EPHB2: variants seen among roughly 807,000 people sequenced by gnomAD.
EPHB2 encodes the protein ephrin type-B receptor 2.
In EPHB2, 18 loss-of-function variants were observed where a neutral mutation model predicts 96.4. The ratio of observed to expected loss-of-function variants is 0.19; its 90% confidence interval spans 0.13 to 0.28. EPHB2 has a LOEUF of 0.28. EPHB2 is among the 10% of genes least tolerant of loss of function. EPHB2 has a pLI of 1.00. For missense variants in EPHB2, 989 were observed against 1,355.4 expected (o/e 0.73, Z 4.25); for synonymous variants, 506 against 534.1 (o/e 0.95, Z 0.72).
Position 22,913,812 on chromosome 1 carries a change from G to T in EPHB2, c.*242G>T. The T allele has an allele frequency of 6.2e-7, 1 of 1,610,648 alleles. No homozygotes were observed. Among genetic ancestry groups the T allele is most frequent in the Middle Eastern group, 1.7e-4 (1 of 6,058 alleles). ...CCTGGGAGGGGGCGGGAAATACAAGGAATATTTTTTAAAGAGGATTCTCAT... is the reference window on the plus strand; with the variant it reads ...CCTGGGAGGGGGCGGGAAATACAAGTAATATTTTTTAAAGAGGATTCTCAT... On this transcript the variant is annotated 3_prime_UTR_variant, in exon 16 of 16. Transcript: ENST00000374630. This position sits in a 1 kb window ranked among gnomAD's most constrained non-coding sequence, Gnocchi z 4.1.
At chr1:22,736,657 G>A (rs1293378637) in intron 1 of EPHB2, among the ~76,000 whole-genome samples, 7 of 152,222 alleles carry the variant, frequency 4.6e-5, no homozygotes, top group South Asian at 2.1e-4. Flanking sequence ...CCTCCGCAGC[G>A]CGGCATGTTT....
intron 1 of EPHB2, among the ~76,000 whole-genome samples, chr1:22,762,851 A>G (rs1644254094): frequency 2.0e-5 from 3 of 152,186 alleles, no homozygotes; most frequent in African/African-American, 7.2e-5. Flanking sequence ...CGCTGGCTGC[A>G]GTGGCTCATC....
intron 3 of EPHB2, among the ~76,000 whole-genome samples, chr1:22,851,764 C>T (rs987560034): frequency 6.6e-6 from 1 of 152,222 alleles, no homozygotes; most frequent in Non-Finnish European, 1.5e-5. Flanking sequence ...CTATTTGTAG[C>T]TCTCTGCACG....
intron 1 of EPHB2, among the ~76,000 whole-genome samples, chr1:22,758,754 T>A (rs1644191691): frequency 6.6e-6 from 1 of 151,946 alleles, no homozygotes; most frequent in Non-Finnish European, 1.5e-5. Context: ...TGAGGGCCAC[T>A]CAAGATTTTA....
At chr1:22,740,312 A>C (rs1643887107) in intron 1 of EPHB2, among the ~76,000 whole-genome samples, 1 of 152,174 alleles carries the variant, frequency 6.6e-6, no homozygotes, top group Non-Finnish European at 1.5e-5. Flanking sequence ...TAAGGTTTCT[A>C]TTCACATTTT....
At position 22,892,806 on chromosome 1, in the gene EPHB2, T is replaced by C. The variant is rs556668388; in HGVS notation, c.1429-78T>C. 13 of 1,573,088 alleles carry C rather than the reference T, an allele frequency of 8.3e-6. No individual in the cohort carries two copies. In the South Asian group the frequency reaches 1.2e-4, roughly 15 times the overall value. ...ATCCAATGGCCAGACCTGCCCCCAATGTGGCAGGAGCAGGCAGTGGGCTCT... is the reference window on the plus strand; with the variant it reads ...ATCCAATGGCCAGACCTGCCCCCAACGTGGCAGGAGCAGGCAGTGGGCTCT... On this transcript the variant is annotated intron_variant, in intron 6 of 15. Coordinates refer to ENST00000374630, the MANE Select transcript of EPHB2 (RefSeq NM_017449.5).
intron 1 of EPHB2, among the ~76,000 whole-genome samples, chr1:22,773,805 C>T (rs1205318026): frequency 6.6e-6 from 1 of 152,194 alleles, no homozygotes; most frequent in African/African-American, 2.4e-5. Context: ...GCTCCCACTA[C>T]ATGGGACGGA....
chr1:22,824,311 GGAAA>G (rs770787440), intron 3 of EPHB2, among the ~76,000 whole-genome samples: 4 of 151,650 alleles, frequency 2.6e-5, no homozygotes, highest in Non-Finnish European at 4.4e-5. Context: ...AAAGAAAGAA[GGAAA>G]GAAAGAAGAA....
At chr1:22,818,179 T>C (rs879399467) in intron 3 of EPHB2, among the ~76,000 whole-genome samples, 4 of 152,128 alleles carry the variant, frequency 2.6e-5, no homozygotes, top group Admixed American at 2.6e-4. Flanking sequence ...TTCAGGTCCT[T>C]GTGCTCGATC....
intron 3 of EPHB2, among the ~76,000 whole-genome samples, chr1:22,851,364 G>A (rs543135154): frequency 6.6e-6 from 1 of 152,324 alleles, no homozygotes; most frequent in East Asian, 1.9e-4. Flanking sequence ...GCTGATGGCT[G>A]TTCTGCAGGA....
Position 22,915,795 on chromosome 1 carries a change from G to A in EPHB2, c.*2225G>A, listed in dbSNP as rs1640250068. On this transcript the variant is annotated 3_prime_UTR_variant, in exon 16 of 16. Coordinates refer to ENST00000374630, the MANE Select transcript of EPHB2 (RefSeq NM_017449.5). ...CGTGGCAGGAGGAGGCAGGGAGATG[G>A]ATGTGCCATGGATATCGGGTCTGGC... 1 of 152,348 alleles carries A rather than the reference G, an allele frequency of 6.6e-6. No individual in the cohort carries two copies. Among genetic ancestry groups the A allele is most frequent in the Admixed American group, 6.5e-5 (1 of 15,278 alleles). The allele number at this position is 152,348 out of a possible 1,614,324, so 9.4% of individuals were successfully genotyped here.
chr1:22,893,015 C>T lies in EPHB2; in HGVS notation c.1560C>T (p.Ser520=), dbSNP rs748376698. 2.0e-5 allele frequency: 33 copies of T among 1,614,108 alleles called. 1 individual carries two copies. Among genetic ancestry groups the T allele is most frequent in the South Asian group, 1.5e-4 (14 of 91,094 alleles). ...ARTVAGYGRY[S]GKMYFQTMTE... ...CCGTGGCAGGTTACGGGCGCTACAG[C>T]GGCAAGATGTACTTCCAGACCATGA... Residue 520 remains serine, a synonymous_variant, in exon 7 of 16, where the codon AGC becomes AGT. Coordinates refer to ENST00000374630, the MANE Select transcript of EPHB2 (RefSeq NM_017449.5).
At chr1:22,801,074 C>A (rs1304841685) in intron 3 of EPHB2, among the ~76,000 whole-genome samples, 1 of 152,222 alleles carries the variant, frequency 6.6e-6, no homozygotes, top group African/African-American at 2.4e-5. Flanking sequence ...GGCAGGCTCC[C>A]TGGCCAGACT....
intron 5 of EPHB2, among the ~76,000 whole-genome samples, chr1:22,878,798 G>A (rs1451887709): frequency 6.6e-6 from 1 of 152,238 alleles, no homozygotes; most frequent in Non-Finnish European, 1.5e-5. Context: ...GCCAGGGACT[G>A]GATGGGAGCG....
intron 3 of EPHB2, among the ~76,000 whole-genome samples, chr1:22,845,070 G>A (rs1380153385): frequency 6.6e-6 from 1 of 152,236 alleles, no homozygotes; most frequent in African/African-American, 2.4e-5. Flanking sequence ...TGACGATGAT[G>A]AGTTAGGCTC....
intron 1 of EPHB2, among the ~76,000 whole-genome samples, chr1:22,731,251 G>A (rs1346658157): frequency 6.6e-6 from 1 of 152,212 alleles, no homozygotes; most frequent in East Asian, 1.9e-4. Flanking sequence ...GGAGGGCAGA[G>A]GGACAGAGAA....
At position 22,822,617 on chromosome 1, in the gene EPHB2, G is replaced by A. The variant is rs141088979; in HGVS notation, c.811+37541G>A. ...GTGACCTTGCCCTGATGGGATACGG[G>A]TCTGGAGCCACCATCACAGAGCAGG... On this transcript the variant is annotated intron_variant, in intron 3 of 15. Transcript: ENST00000374630. Among the ~76,000 whole-genome samples the A allele has an allele frequency of 6.0e-3, 915 of 152,348 alleles. 7 individuals are homozygous for A. Among genetic ancestry groups the A allele is most frequent in the African/African-American group, 0.021 (865 of 41,576 alleles).
At chr1:22,761,733 CCAGTTGAAG>C (rs1168037964) in intron 1 of EPHB2, among the ~76,000 whole-genome samples, 2 of 152,308 alleles carry the variant, frequency 1.3e-5, no homozygotes, top group African/African-American at 2.4e-5. Flanking sequence ...CTGCCAATGC[CCAGTTGAAG>C]CAGTTGAAGC....
intron 3 of EPHB2, among the ~76,000 whole-genome samples, chr1:22,815,239 G>T (rs544228778): frequency 6.6e-6 from 1 of 152,186 alleles, no homozygotes; most frequent in Non-Finnish European, 1.5e-5. Context: ...CTTGGAATCA[G>T]GACAGGCTAG....
Sources: allele counts gnomAD v4.1 joint callset (sites outside exome capture counted in the v4.1 genomes callset), GRCh38; gene constraint gnomAD v4.1.1; non-coding constraint Gnocchi (gnomAD v3.1); transcripts MANE v1.5; gene names NCBI Gene and HGNC (gene_info 2026-07-23, HGNC 2026-07-21).